GADL1: variants seen among roughly 807,000 people sequenced by gnomAD.
The protein encoded by GADL1 is GAD like acidic amino acid decarboxylase 1.
Under a neutral mutation model 69.5 loss-of-function variants are expected in GADL1, and 71 were observed. The ratio of observed to expected loss-of-function variants is 1.02; its 90% CI spans 0.84 to 1.25. The LOEUF (loss-of-function observed/expected upper bound fraction) is 1.25, where lower values mean the gene tolerates loss of function less well. Ranked by LOEUF, GADL1 falls within the 50% of genes most tolerant of loss-of-function variation. GADL1 has a pLI of 0.00. For missense variants in GADL1, 737 were observed against 631.8 expected (o/e 1.17, Z -1.79); for synonymous variants, 254 against 214.4 (o/e 1.18, Z -1.62).
chr3:30,816,161 G>A (rs1156305111), intron 11 of GADL1, among the ~76,000 whole-genome samples: 1 of 152,086 alleles, frequency 6.6e-6, no homozygotes, highest in African/African-American at 2.4e-5. Context: ...TCCACCATTA[G>A]AGGAATTTGC....
intron 1 of GADL1, among the ~76,000 whole-genome samples, chr3:30,894,213 G>A (rs1698821927): frequency 1.3e-5 from 2 of 152,304 alleles, no homozygotes; most frequent in South Asian, 4.1e-4. Flanking sequence ...AGATGATGCT[G>A]TCCTTGTCCC....
intron 1 of GADL1, among the ~76,000 whole-genome samples, chr3:30,875,613 T>C (rs1004918490): frequency 2.0e-5 from 3 of 151,832 alleles, no homozygotes; most frequent in African/African-American, 7.3e-5. Context: ...AGGCAGAGGG[T>C]AATCACTGTC....
At chr3:30,876,877 C>T (rs1205881523) in intron 1 of GADL1, among the ~76,000 whole-genome samples, 1 of 151,818 alleles carries the variant, frequency 6.6e-6, no homozygotes, top group East Asian at 1.9e-4. Context: ...CTTTAGTTAC[C>T]CACAGTGAGA....
chr3:30,773,532 T>G (rs1696466373), intron 14 of GADL1, among the ~76,000 whole-genome samples: 1 of 152,184 alleles, frequency 6.6e-6, no homozygotes, highest in Admixed American at 6.5e-5. Flanking sequence ...AACATAGTAT[T>G]TTACATGTAC....
intron 14 of GADL1, among the ~76,000 whole-genome samples, chr3:30,768,552 G>A (rs1177253275): frequency 7.4e-6 from 1 of 134,922 alleles, no homozygotes; most frequent in Non-Finnish European, 1.7e-5. Context: ...GAGAAGAGGG[G>A]GAGAGAGAAG....
chr3:30,760,227 C>T (rs766789843), intron 14 of GADL1, among the ~76,000 whole-genome samples: 4 of 152,172 alleles, frequency 2.6e-5, no homozygotes, highest in African/African-American at 4.8e-5. Context: ...TCATCTTCCT[C>T]GAGGTTCATC....
At chr3:30,887,277 T>C (rs1375316880) in intron 1 of GADL1, among the ~76,000 whole-genome samples, 1 of 152,208 alleles carries the variant, frequency 6.6e-6, no homozygotes, top group Non-Finnish European at 1.5e-5. Flanking sequence ...AAACTCATGT[T>C]GAGACTGAAT....
intron 13 of GADL1, chr3:30,778,580 C>A (rs1696591322): frequency 4.5e-6 from 1 of 221,698 alleles, no homozygotes; most frequent in Non-Finnish European, 9.0e-6. Context: ...CATACATGCT[C>A]AGAGATGCCC....
intron 11 of GADL1, among the ~76,000 whole-genome samples, chr3:30,811,236 G>A (rs1381630509): frequency 2.0e-5 from 3 of 152,050 alleles, no homozygotes; most frequent in Admixed American, 1.3e-4. Flanking sequence ...AGAAAATGAG[G>A]AGACTGAACT....
At chr3:30,849,716 A>G (rs1275994326) in intron 6 of GADL1, among the ~76,000 whole-genome samples, 3 of 152,176 alleles carry the variant, frequency 2.0e-5, no homozygotes, top group Non-Finnish European at 4.4e-5. Flanking sequence ...AAGACATTCA[A>G]AAAAAGAGAT....
intron 2 of GADL1, among the ~76,000 whole-genome samples, chr3:30,859,602 A>G (rs1302649878): frequency 1.3e-5 from 2 of 152,114 alleles, no homozygotes; most frequent in South Asian, 2.1e-4. Flanking sequence ...AGTAATAGTT[A>G]TGACTTCTGA....
chr3:30,884,748 C>T (rs1220331760), intron 1 of GADL1, among the ~76,000 whole-genome samples: 1 of 152,018 alleles, frequency 6.6e-6, no homozygotes, highest in African/African-American at 2.4e-5. Context: ...AAAAATCATA[C>T]TCCCCAGAGA....
chr3:30,765,325 C>T (rs1447847853), intron 14 of GADL1, among the ~76,000 whole-genome samples: 1 of 152,170 alleles, frequency 6.6e-6, no homozygotes, highest in Non-Finnish European at 1.5e-5. Flanking sequence ...CTCACACTTT[C>T]AGGATGAGTA....
At chr3:30,819,366 T>C (rs1697530928) in intron 11 of GADL1, among the ~76,000 whole-genome samples, 1 of 152,116 alleles carries the variant, frequency 6.6e-6, no homozygotes, top group African/African-American at 2.4e-5. Flanking sequence ...TAAAAATTTG[T>C]CACTCTTTAT....
intron 11 of GADL1, among the ~76,000 whole-genome samples, chr3:30,819,096 G>C (rs1334359466): frequency 6.6e-6 from 1 of 151,944 alleles, no homozygotes; most frequent in Non-Finnish European, 1.5e-5. Context: ...GGGAGATTGA[G>C]GGGGAGGCTT....
chr3:30,768,905 C>T (rs1324946383), intron 14 of GADL1, among the ~76,000 whole-genome samples: 3 of 152,224 alleles, frequency 2.0e-5, no homozygotes, highest in Admixed American at 6.5e-5. Flanking sequence ...AGCAAAAGTG[C>T]CACCAGGGGG....
At chr3:30,878,459 A>G (rs1698604660) in intron 1 of GADL1, among the ~76,000 whole-genome samples, 1 of 151,952 alleles carries the variant, frequency 6.6e-6, no homozygotes, top group South Asian at 2.1e-4. Flanking sequence ...TAACTGAAGT[A>G]TCTCTGTAAA....
chr3:30,828,680 T>C (rs371194757), intron 11 of GADL1, among the ~76,000 whole-genome samples: 1 of 151,926 alleles, frequency 6.6e-6, no homozygotes, highest in East Asian at 1.9e-4. Flanking sequence ...GGAAAATGTT[T>C]GCATCTATGT....
At chr3:30,743,758 T>C (rs1695660265) in intron 14 of GADL1, among the ~76,000 whole-genome samples, 1 of 152,218 alleles carries the variant, frequency 6.6e-6, no homozygotes, top group African/African-American at 2.4e-5. Context: ...TTCTTCATTA[T>C]TTAAATGTCC....
Sources: gnomAD v4.1 joint callset for allele counts (sites outside exome capture counted in the v4.1 genomes callset) on GRCh38, gnomAD v4.1.1 for gene constraint, MANE v1.5 for transcripts, NCBI Gene and HGNC (gene_info 2026-07-23, HGNC 2026-07-21) for gene names.